ATP6V0D1: variants seen among roughly 807,000 people sequenced by gnomAD.
ATP6V0D1 encodes the protein V-type proton ATPase subunit d 1.
In ATP6V0D1, 13 loss-of-function variants were observed where a neutral mutation model predicts 39.0. The observed-to-expected ratio is 0.33, with a 90% CI of 0.22 to 0.53. ATP6V0D1 has a LOEUF of 0.53. Among genes scored for constraint, ATP6V0D1 ranks in the 20% least tolerant of loss-of-function variants. The pLI is 0.94. For synonymous variants in ATP6V0D1, 191 were observed against 191.2 expected (o/e 1.00, Z 0.01); for missense variants, 272 against 470.9 (o/e 0.58, Z 3.91).
intron 2 of ATP6V0D1, among the ~76,000 whole-genome samples, chr16:67,452,622 T>A (rs2041194236): frequency 1.3e-5 from 2 of 152,160 alleles, no homozygotes; most frequent in Non-Finnish European, 2.9e-5. Flanking sequence ...CAATGCAGGG[T>A]ACTCTCCTAG....
chr16:67,464,492 G>C (rs1033979593), intron 1 of ATP6V0D1, among the ~76,000 whole-genome samples: 1 of 152,272 alleles, frequency 6.6e-6, no homozygotes, highest in African/African-American at 2.4e-5. Flanking sequence ...TTCTAGCCTC[G>C]TCAGGCCCAG....
intron 1 of ATP6V0D1, among the ~76,000 whole-genome samples, chr16:67,463,131 T>A (rs1005826746): frequency 6.6e-6 from 1 of 152,208 alleles, no homozygotes; most frequent in Non-Finnish European, 1.5e-5. Context: ...AAATACTCAT[T>A]TTGCTTTGAC....
intron 1 of ATP6V0D1, among the ~76,000 whole-genome samples, chr16:67,468,562 T>C (rs756325231): frequency 2.1e-5 from 3 of 141,088 alleles, no homozygotes; most frequent in Non-Finnish European, 3.0e-5. Context: ...TACTCCAGCC[T>C]GGGCAACAGA....
At position 67,453,351 on chromosome 16, in the gene ATP6V0D1, G is replaced by C. The variant is rs1035676904; in HGVS notation, c.302+193C>G. On this transcript the variant is annotated intron_variant, in intron 2 of 7. Transcript: ENST00000290949. This position sits in a 1 kb window ranked among gnomAD's most constrained non-coding sequence, Gnocchi z 4.1. Reference sequence around the variant, plus strand: ...GGTGGCCTGGAAGTCCAGGGTTGTTGAATGACCACGCACACAGTCAGGGAG... The same window carrying C: ...GGTGGCCTGGAAGTCCAGGGTTGTTCAATGACCACGCACACAGTCAGGGAG... Among the ~76,000 whole-genome samples, 2 of 152,178 alleles carry C rather than the reference G, an allele frequency of 1.3e-5. No homozygotes were observed. Among genetic ancestry groups the C allele is most frequent in the Non-Finnish European group, 2.9e-5 (2 of 68,022 alleles).
chr16:67,464,063 G>A (rs1462012656), intron 1 of ATP6V0D1, among the ~76,000 whole-genome samples: 2 of 152,184 alleles, frequency 1.3e-5, no homozygotes, highest in African/African-American at 2.4e-5. Context: ...GGGGGCATGG[G>A]AAAACAGGCA....
chr16:67,472,344 T>C (rs8044652), intron 1 of ATP6V0D1, among the ~76,000 whole-genome samples: 149,261 of 152,222 alleles, frequency 0.98, 73,197 homozygotes, highest in Middle Eastern at 1. Flanking sequence ...ATGTTCCTTC[T>C]ATTATTGCCT....
In ATP6V0D1 at chr16:67,444,443, GC is replaced by G. The variant is rs981163954; in HGVS notation, c.481+84del. The G allele has an allele frequency of 1.7e-5, 24 of 1,433,018 alleles. No individual in the cohort carries two copies. The highest frequency in any genetic ancestry group is 4.3e-5 in the African/African-American group (3 of 69,998). The allele number at this position is 1,433,018 out of a possible 1,614,324, so 88.8% of individuals were successfully genotyped here. A position where few individuals can be genotyped will look rare whatever the true frequency, so the allele number is the denominator to read the frequency against. ...AGGTCTCACTTTCTGGCTCAGGGTC[GC>G]CCCCCAGCGGGTCCACAAACCCCAC... On this transcript the variant is annotated intron_variant, in intron 3 of 7. Coordinates refer to ENST00000290949, the MANE Select transcript of ATP6V0D1 (RefSeq NM_004691.5). This position sits in a 1 kb window ranked among gnomAD's most constrained non-coding sequence, Gnocchi z 4.8.
At chr16:67,464,842 G>A (rs571775021) in intron 1 of ATP6V0D1, among the ~76,000 whole-genome samples, 1 of 152,396 alleles carries the variant, frequency 6.6e-6, no homozygotes, top group South Asian at 2.1e-4. Flanking sequence ...CAGGAAAGCA[G>A]TGTCCAGCAC....
chr16:67,480,376 G>A (rs935279421), intron 1 of ATP6V0D1, among the ~76,000 whole-genome samples: 2 of 152,044 alleles, frequency 1.3e-5, no homozygotes, highest in Non-Finnish European at 2.9e-5. Context: ...TTCCAGACCT[G>A]CAAGGGCCAC....
chr16:67,477,349 G>C (rs1202305990), intron 1 of ATP6V0D1, among the ~76,000 whole-genome samples: 1 of 152,112 alleles, frequency 6.6e-6, no homozygotes, highest in Non-Finnish European at 1.5e-5. Flanking sequence ...GAGACAATCA[G>C]GGGAATTTGA....
intron 1 of ATP6V0D1, among the ~76,000 whole-genome samples, chr16:67,469,903 C>A (rs77925674): frequency 6.6e-6 from 1 of 152,188 alleles, no homozygotes; most frequent in South Asian, 2.1e-4. Context: ...GACAACTTGG[C>A]GCCTATGCTT....
chr16:67,453,473 C>A lies in ATP6V0D1; in HGVS notation c.302+71G>T. The A allele has an allele frequency of 6.4e-7, 1 of 1,573,420 alleles. No homozygotes were observed. The highest frequency in any genetic ancestry group is 8.7e-7 in the Non-Finnish European group (1 of 1,154,008). On this transcript the variant is annotated intron_variant, in intron 2 of 7. Coordinates refer to ENST00000290949, the MANE Select transcript of ATP6V0D1 (RefSeq NM_004691.5). This position sits in a 1 kb window ranked among gnomAD's most constrained non-coding sequence, Gnocchi z 4.1. The stretch of plus-strand genomic sequence containing the variant: ...ACGAAGGCAGCTAGCCTAAGCCACA[C>A]TGAACCCAGCTCCTGCAGGTGTAGC...
intron 1 of ATP6V0D1, among the ~76,000 whole-genome samples, chr16:67,471,199 G>A (rs2041370003): frequency 6.6e-6 from 1 of 152,092 alleles, no homozygotes; most frequent in South Asian, 2.1e-4. Flanking sequence ...TTATTTCTTT[G>A]TTTTTGAGAC....
At position 67,456,844 on chromosome 16, in the gene ATP6V0D1, CA is replaced by C. The variant is rs1308526900; in HGVS notation, c.131-3130del. ...TCCTGATCCCTCCCCTCCAAAGCAT[CA>C]GGGGCTGGGCCTCACCCGGGCATCT... On this transcript the variant is annotated intron_variant, in intron 1 of 7. Transcript: ENST00000290949. The surrounding 1 kb of genome is among the most constrained non-coding windows in gnomAD (Gnocchi z 4.1). The C allele has an allele frequency of 6.6e-6, 1 of 152,346 alleles. No individual in the cohort carries two copies. The highest frequency in any genetic ancestry group is 1.5e-5 in the Non-Finnish European group (1 of 68,156). 9.4% of individuals were successfully genotyped at this position (152,346 alleles called of 1,614,324 possible).
intron 2 of ATP6V0D1, among the ~76,000 whole-genome samples, chr16:67,445,336 G>A (rs183912234): frequency 1.3e-5 from 2 of 152,248 alleles, no homozygotes; most frequent in East Asian, 1.9e-4. Context: ...CAGGGGAATC[G>A]CCATCCAGTT....
chr16:67,457,876 G>C (rs986104788), intron 1 of ATP6V0D1, among the ~76,000 whole-genome samples: 6 of 152,250 alleles, frequency 3.9e-5, no homozygotes, highest in Admixed American at 3.3e-4. Context: ...TCAGATCAGA[G>C]CAAACCCGGG....
chr16:67,466,376 C>CAA (rs1395993515), intron 1 of ATP6V0D1, among the ~76,000 whole-genome samples: 1 of 127,460 alleles, frequency 7.8e-6, no homozygotes, highest in Non-Finnish European at 1.7e-5. Context: ...CACACACACA[C>CAA]AAAATTAGCC....
chr16:67,438,245 G>C lies in ATP6V0D1; in HGVS notation c.*283C>G. On this transcript the variant is annotated 3_prime_UTR_variant, in exon 8 of 8. Transcript: ENST00000290949. ...GAACATGAAAGTGACATGCTTCTTA[G>C]ATACATCAGCGGCTGTAACCACAGG... 5 of 469,200 alleles carry C rather than the reference G, an allele frequency of 1.1e-5. No individual in the cohort carries two copies. The highest frequency in any genetic ancestry group is 6.0e-4 in the Middle Eastern group (1 of 1,676). The allele number at this position is 469,200 out of a possible 1,614,324, so 29.1% of individuals were successfully genotyped here. A position where few individuals can be genotyped will look rare whatever the true frequency, so the allele number is the denominator to read the frequency against.
intron 1 of ATP6V0D1, among the ~76,000 whole-genome samples, chr16:67,465,612 T>A (rs1375248890): frequency 1.9e-4 from 29 of 152,164 alleles, no homozygotes; most frequent in Admixed American, 1.8e-3. Context: ...TCTGAGCTGC[T>A]GGCATGACCC....
Sources: allele counts gnomAD v4.1 joint callset (sites outside exome capture counted in the v4.1 genomes callset), GRCh38; gene constraint gnomAD v4.1.1; non-coding constraint Gnocchi (gnomAD v3.1); transcripts MANE v1.5; gene names NCBI Gene and HGNC (gene_info 2026-07-23, HGNC 2026-07-21).